Variants in LPP observed in about 807,000 individuals in gnomAD.
LPP encodes lipoma-preferred partner.
LPP carries 38 observed loss-of-function variants against 60.4 expected under a neutral mutation model. That is an observed-to-expected ratio of 0.63 (90% CI 0.49 to 0.83). LPP has a LOEUF of 0.83. Among genes scored for constraint, LPP ranks in the 40% least tolerant of loss-of-function variants. LPP has a pLI of 0.00. For synonymous variants in LPP, 328 were observed against 290.8 expected (o/e 1.13, Z -1.30); for missense variants, 902 against 783.6 (o/e 1.15, Z -1.80).
chr3:188,562,894 C>A (rs780342495), intron 6 of LPP, among the ~76,000 whole-genome samples: 1 of 151,980 alleles, frequency 6.6e-6, no homozygotes, highest in Non-Finnish European at 1.5e-5. Flanking sequence ...TTATTACACA[C>A]TTAGCCATAT....
intron 3 of LPP, among the ~76,000 whole-genome samples, chr3:188,353,865 T>C (rs547830699): frequency 1.3e-5 from 2 of 152,330 alleles, no homozygotes; most frequent in East Asian, 3.9e-4. Context: ...AAGACTCCTT[T>C]AACTTTTAAC....
chr3:188,397,909 C>T (rs1242369999), intron 3 of LPP, among the ~76,000 whole-genome samples: 6 of 152,092 alleles, frequency 3.9e-5, no homozygotes, highest in East Asian at 1.9e-4. Flanking sequence ...CCACTGGGCC[C>T]GGCCGTGTCT....
chr3:188,569,293 G>C (rs1194476847), intron 6 of LPP, among the ~76,000 whole-genome samples: 1 of 151,824 alleles, frequency 6.6e-6, no homozygotes, highest in African/African-American at 2.4e-5. Context: ...ACAGGAGTCT[G>C]GGGGGAAGAC....
At chr3:188,630,894 G>A (rs1394380465) in intron 7 of LPP, among the ~76,000 whole-genome samples, 1 of 152,116 alleles carries the variant, frequency 6.6e-6, no homozygotes, top group Admixed American at 6.5e-5. Context: ...GGAGCTGGAG[G>A]CCATTATTCT....
At chr3:188,458,863 TCTTTC>T (rs1249422881) in intron 4 of LPP, among the ~76,000 whole-genome samples, 4 of 152,128 alleles carry the variant, frequency 2.6e-5, no homozygotes, top group African/African-American at 9.6e-5. Flanking sequence ...CCGATTTCTT[TCTTTC>T]CTTCTTTTTT....
rs143441145 is a variant in LPP, at chr3:188,251,449, T to G, written c.-67+25922T>G. On this transcript the variant is annotated intron_variant, in intron 2 of 11. Transcript: ENST00000617246. Reference sequence around the variant, plus strand: ...ATATCTGAGTGCTAGGTGTGCTCATTGCTACTCTGGTGCCTTAACTTATAG... The same window carrying G: ...ATATCTGAGTGCTAGGTGTGCTCATGGCTACTCTGGTGCCTTAACTTATAG... Among the ~76,000 whole-genome samples, 938 of 152,284 alleles carry G rather than the reference T, an allele frequency of 6.2e-3. 5 individuals carry two copies. The highest frequency in any genetic ancestry group is 9.4e-3 in the Non-Finnish European group (638 of 68,030).
chr3:188,782,882 A>G (rs1740283026), intron 9 of LPP, among the ~76,000 whole-genome samples: 1 of 151,806 alleles, frequency 6.6e-6, no homozygotes, highest in African/African-American at 2.4e-5. Flanking sequence ...TGTGACTTCT[A>G]TCTCCCTTCC....
intron 2 of LPP, among the ~76,000 whole-genome samples, chr3:188,254,655 T>G (rs144397226): frequency 2.0e-4 from 30 of 152,346 alleles, no homozygotes; most frequent in Admixed American, 1.4e-3. Context: ...GAGAACATTC[T>G]GTGTTCTGCA....
intron 8 of LPP, among the ~76,000 whole-genome samples, chr3:188,739,937 G>A (rs1387024456): frequency 1.3e-5 from 2 of 152,070 alleles, no homozygotes; most frequent in East Asian, 3.8e-4. Flanking sequence ...ATTTTGTGAA[G>A]TTAAATGACC....
chr3:188,519,806 A>T (rs1039493005), intron 5 of LPP, among the ~76,000 whole-genome samples: 9 of 152,200 alleles, frequency 5.9e-5, no homozygotes, highest in Non-Finnish European at 1.3e-4. Flanking sequence ...TTATTTTAAT[A>T]GTTGTTCAAC....
intron 1 of LPP, among the ~76,000 whole-genome samples, chr3:188,171,044 T>C (rs1448864105): frequency 9.0e-6 from 1 of 111,280 alleles, no homozygotes; most frequent in Non-Finnish European, 1.8e-5. Context: ...CTGGCAAACC[T>C]GGGTTGTATT....
intron 1 of LPP, among the ~76,000 whole-genome samples, chr3:188,209,672 GCATCCCTGAGCTT>G (rs1734191906): frequency 6.6e-6 from 1 of 152,202 alleles, no homozygotes; most frequent in Admixed American, 6.5e-5. Flanking sequence ...AATGGGATCT[GCATCCCTGAGCTT>G]CATCCACAAA....
intron 9 of LPP, among the ~76,000 whole-genome samples, chr3:188,798,719 T>C (rs1479272055): frequency 6.6e-6 from 1 of 152,218 alleles, no homozygotes; most frequent in Non-Finnish European, 1.5e-5. Flanking sequence ...TTAATTAATG[T>C]AGCCATATGT....
At chr3:188,661,757 G>A (rs1362045306) in intron 7 of LPP, among the ~76,000 whole-genome samples, 2 of 152,148 alleles carry the variant, frequency 1.3e-5, no homozygotes, top group Non-Finnish European at 2.9e-5. Context: ...GCTTGACAAA[G>A]ATGCATTTTT....
At chr3:188,736,555 T>C (rs1039300642) in intron 8 of LPP, among the ~76,000 whole-genome samples, 6 of 152,124 alleles carry the variant, frequency 3.9e-5, no homozygotes, top group African/African-American at 1.4e-4. Flanking sequence ...GGTAAGACCG[T>C]AAATTGGCCC....
chr3:188,796,483 G>T (rs1416747572), intron 9 of LPP, among the ~76,000 whole-genome samples: 1 of 152,126 alleles, frequency 6.6e-6, no homozygotes, highest in East Asian at 1.9e-4. Flanking sequence ...CAATAGGGGA[G>T]CTATGGAAGC....
chr3:188,609,556 C>T lies in LPP; in HGVS notation c.825C>T (p.Tyr275=). ...CACGGGGAGGCATGGATTATGCCTA[C>T]ATTCCACCACCAGGACTTCAGCCGG... ...PSTRGGMDYA[Y]IPPPGLQPEP... Residue 275 remains tyrosine, a synonymous_variant, in exon 7 of 12, where the codon TAC becomes TAT. Coordinates refer to ENST00000617246, the MANE Select transcript of LPP (RefSeq NM_001375462.1). The surrounding 1 kb of genome is among the most constrained non-coding windows in gnomAD (Gnocchi z 6.9). The T allele has an allele frequency of 3.1e-6, 5 of 1,614,200 alleles. No homozygotes were observed. Among genetic ancestry groups the T allele is most frequent in the Non-Finnish European group, 1.7e-6 (2 of 1,180,040 alleles).
At chr3:188,678,767 T>C (rs899637215) in intron 7 of LPP, among the ~76,000 whole-genome samples, 1 of 152,112 alleles carries the variant, frequency 6.6e-6, no homozygotes, top group Non-Finnish European at 1.5e-5. Flanking sequence ...CTTGCCCTTA[T>C]AGGGAAAAAT....
In LPP at chr3:188,499,402, G is replaced by T. The variant is rs570612099; in HGVS notation, c.306+14698G>T. On this transcript the variant is annotated intron_variant, in intron 5 of 11. Transcript: ENST00000617246. ...AAAGACTGTCCTTCCTGTATTAAAT[G>T]ATCTTGGTGCCCTTGTAGGCAGTGA... Among the ~76,000 whole-genome samples the T allele has an allele frequency of 2.0e-5, 3 of 152,270 alleles. No individual in the cohort carries two copies. In the South Asian group the frequency reaches 6.2e-4, roughly 32 times the overall value.
Sources: allele counts gnomAD v4.1 joint callset (sites outside exome capture counted in the v4.1 genomes callset), GRCh38; gene constraint gnomAD v4.1.1; non-coding constraint Gnocchi (gnomAD v3.1); transcripts MANE v1.5; gene names NCBI Gene and HGNC (gene_info 2026-07-23, HGNC 2026-07-21).